Variants in SRRM4 observed in about 807,000 individuals in gnomAD.
SRRM4 encodes the protein serine/arginine repetitive matrix protein 4.
Under a neutral mutation model 68.9 loss-of-function variants are expected in SRRM4, and 33 were observed. That is an observed-to-expected ratio of 0.48 (90% CI 0.36 to 0.64). The LOEUF is 0.64. Ranked by LOEUF, SRRM4 falls within the 30% of genes least tolerant of loss-of-function variation. The pLI is 0.00. For synonymous variants in SRRM4, 318 were observed against 318.8 expected (o/e 1.00, Z 0.03); for missense variants, 817 against 827.1 (o/e 0.99, Z 0.15).
intron 1 of SRRM4, among the ~76,000 whole-genome samples, chr12:119,042,119 G>T (rs185005244): frequency 6.6e-6 from 1 of 152,076 alleles, no homozygotes; most frequent in East Asian, 1.9e-4. Flanking sequence ...CCAAGAACAC[G>T]CAGTCAGTGG....
intron 1 of SRRM4, among the ~76,000 whole-genome samples, chr12:119,080,403 GT>G (rs1379221253): frequency 2.0e-5 from 3 of 151,960 alleles, no homozygotes; most frequent in Non-Finnish European, 4.4e-5. Flanking sequence ...AAGTACTAAG[GT>G]ATTACCTGTT....
intron 1 of SRRM4, among the ~76,000 whole-genome samples, chr12:119,056,752 C>T (rs944944445): frequency 1.3e-5 from 2 of 152,116 alleles, no homozygotes; most frequent in African/African-American, 4.8e-5. Context: ...GCAATTCCCT[C>T]CCAGTTGCTC....
chr12:118,988,371 T>C (rs11069218), intron 1 of SRRM4, among the ~76,000 whole-genome samples: 26,846 of 152,146 alleles, frequency 0.18, 2,469 homozygotes, highest in South Asian at 0.24. Context: ...ACATTAACTG[T>C]GGGGGAATAG....
intron 9 of SRRM4, among the ~76,000 whole-genome samples, chr12:119,150,576 C>T (rs562904779): frequency 7.9e-5 from 12 of 152,304 alleles, no homozygotes; most frequent in African/African-American, 2.6e-4. Flanking sequence ...CTGAGGTGTG[C>T]TCCTCTCTCT....
intron 1 of SRRM4, among the ~76,000 whole-genome samples, chr12:119,100,226 C>T (rs1454958304): frequency 6.6e-6 from 1 of 150,862 alleles, no homozygotes; most frequent in African/African-American, 2.4e-5. Flanking sequence ...AATGGTGGCT[C>T]ATACCTGTAA....
chr12:119,066,325 A>C (rs956586955), intron 1 of SRRM4, among the ~76,000 whole-genome samples: 4 of 152,242 alleles, frequency 2.6e-5, no homozygotes, highest in African/African-American at 4.8e-5. Context: ...TTATAGATGG[A>C]AAGAAAAAAC....
chr12:119,146,768 C>T (rs941730604), intron 9 of SRRM4, among the ~76,000 whole-genome samples: 1 of 152,028 alleles, frequency 6.6e-6, no homozygotes, highest in African/African-American at 2.4e-5. Flanking sequence ...AACCCCGTCT[C>T]TACTAAAAAT....
At position 119,079,071 on chromosome 12, in the gene SRRM4, G is replaced by T. The variant is rs559542075; in HGVS notation, c.132-23165G>T. 2.0e-5 allele frequency among the ~76,000 whole-genome samples: 3 copies of T among 152,326 alleles called. No individual in the cohort carries two copies. In the South Asian group the frequency reaches 6.2e-4, roughly 32 times the overall value. On this transcript the variant is annotated intron_variant, in intron 1 of 12. Transcript: ENST00000267260. ...TGCACACCCAGCCAGGTGAGGGGGT[G>T]GTCCAGGAGGATGTGATGCAGGTGT...
At chr12:119,092,673 A>G (rs1270121786) in intron 1 of SRRM4, among the ~76,000 whole-genome samples, 1 of 152,108 alleles carries the variant, frequency 6.6e-6, no homozygotes, top group African/African-American at 2.4e-5. Flanking sequence ...TCTTCTTCAT[A>G]TGGATTATTG....
At chr12:119,074,525 G>A (rs1953896822) in intron 1 of SRRM4, among the ~76,000 whole-genome samples, 1 of 152,172 alleles carries the variant, frequency 6.6e-6, no homozygotes, top group South Asian at 2.1e-4. Flanking sequence ...TGGGCTTCCA[G>A]TCAGGTGGGC....
rs536118644 is a variant in SRRM4, at chr12:119,064,953, C to T, written c.132-37283C>T. On this transcript the variant is annotated intron_variant, in intron 1 of 12. Coordinates refer to ENST00000267260, the MANE Select transcript of SRRM4 (RefSeq NM_194286.4). Reference sequence around the variant, plus strand: ...CTGCCCCCATGAATCCTTAATTCCCCTGCTTTACTGATAACAATACGAGTT... The same window carrying T: ...CTGCCCCCATGAATCCTTAATTCCCTTGCTTTACTGATAACAATACGAGTT... 9.9e-5 allele frequency among the ~76,000 whole-genome samples: 15 copies of T among 152,280 alleles called. No homozygotes were observed. The South Asian group carries it at 2.9e-3, about 29-fold the overall frequency.
intron 1 of SRRM4, among the ~76,000 whole-genome samples, chr12:119,005,917 T>C (rs955626410): frequency 2.6e-5 from 4 of 152,194 alleles, no homozygotes; most frequent in Non-Finnish European, 5.9e-5. Flanking sequence ...CCGTGTGACC[T>C]TGGGCAAAGC....
intron 1 of SRRM4, among the ~76,000 whole-genome samples, chr12:119,019,372 C>G (rs1264290332): frequency 6.6e-6 from 1 of 152,128 alleles, no homozygotes; most frequent in African/African-American, 2.4e-5. Flanking sequence ...AAATCTGAGC[C>G]TGCTGCCTCA....
At chr12:118,985,853 G>A (rs924822189) in intron 1 of SRRM4, among the ~76,000 whole-genome samples, 1 of 152,152 alleles carries the variant, frequency 6.6e-6, no homozygotes, top group Non-Finnish European at 1.5e-5. Flanking sequence ...AAGGCTTAAT[G>A]AACATGTAAA....
At chr12:119,061,871 A>G (rs1307145820) in intron 1 of SRRM4, among the ~76,000 whole-genome samples, 3 of 152,120 alleles carry the variant, frequency 2.0e-5, no homozygotes, top group Non-Finnish European at 4.4e-5. Context: ...GACAACCAAA[A>G]GTGTCTCCAG....
In SRRM4 at chr12:119,156,659, C is replaced by A. The variant is rs199585212; in HGVS notation, c.1697C>A (p.Thr566Lys). 1.4e-5 allele frequency: 22 copies of A among 1,574,504 alleles called. No individual in the cohort carries two copies. The highest frequency in any genetic ancestry group is 1.7e-5 in the Non-Finnish European group (20 of 1,161,730). ...AGCCGGAGACGGAGCCGGACCCGCA[C>A]GAGCAGCAGCTCTAGCTCCCGCAGC... ...SRSRRRSRTR[T>K]SSSSSSRSPS... Residue 566 changes from threonine (T) to lysine (K), a missense_variant, in exon 13 of 13, where the codon ACG becomes AAG. Thr to Lys is a moderately conservative substitution (Grantham distance 78). Coordinates refer to ENST00000267260, the MANE Select transcript of SRRM4 (RefSeq NM_194286.4).
Position 119,129,872 on chromosome 12 carries a change from A to AATGGATGGATGGATGG in SRRM4, c.615-773_615-758dup, listed in dbSNP as rs112594447. On this transcript the variant is annotated intron_variant, in intron 7 of 12. Transcript: ENST00000267260. ...GAATGGATGAATGGTTAGTTGGACA[A>AATGGATGGATGGATGG]ATGGATGGATGGATGGATGGATGGA... Among the ~76,000 whole-genome samples the AATGGATGGATGGATGG allele has an allele frequency of 1.6e-3, 217 of 136,998 alleles. 1 individual carries two copies. The highest frequency in any genetic ancestry group is 4.7e-3 in the African/African-American group (172 of 36,318). 89.9% of individuals were successfully genotyped at this position (136,998 alleles called of 152,430 possible).
At chr12:119,061,353 C>G (rs1953811162) in intron 1 of SRRM4, among the ~76,000 whole-genome samples, 1 of 152,178 alleles carries the variant, frequency 6.6e-6, no homozygotes, top group African/African-American at 2.4e-5. Context: ...AACTTCCGCT[C>G]AAATCCAGGG....
In SRRM4 at chr12:119,157,178, G is replaced by C. The variant is rs558876484; in HGVS notation, c.*380G>C. On this transcript the variant is annotated 3_prime_UTR_variant, in exon 13 of 13. Transcript: ENST00000267260. The surrounding 1 kb of genome is among the most constrained non-coding windows in gnomAD (Gnocchi z 4.1). ...CTCCTCCACTGCTCACAGGAGGCCC[G>C]TGGTAATTCTCCCCACCTCCCCGGA... 1.7e-4 allele frequency: 33 copies of C among 199,220 alleles called. No individual in the cohort carries two copies. The highest frequency in any genetic ancestry group is 7.0e-4 in the African/African-American group (30 of 43,010). The allele number at this position is 199,220 out of a possible 1,614,324, so 12.3% of individuals were successfully genotyped here.
Sources: allele counts gnomAD v4.1 joint callset (sites outside exome capture counted in the v4.1 genomes callset), GRCh38; gene constraint gnomAD v4.1.1; non-coding constraint Gnocchi (gnomAD v3.1); transcripts MANE v1.5; gene names NCBI Gene and HGNC (gene_info 2026-07-23, HGNC 2026-07-21).